LRP1B: variants seen among roughly 807,000 people sequenced by gnomAD.
The protein encoded by LRP1B is low-density lipoprotein receptor-related protein 1B.
A neutral mutation model predicts 556.6 loss-of-function variants in LRP1B; 217 were observed. The observed-to-expected ratio is 0.39, with a 90% CI of 0.35 to 0.44. The LOEUF (loss-of-function observed/expected upper bound fraction) is 0.44. Ranked by LOEUF, LRP1B falls within the 20% of genes least tolerant of loss-of-function variation. LRP1B has a pLI of 1.00. For missense variants in LRP1B, 5,053 were observed against 5,620.8 expected (o/e 0.90, Z 3.23); for synonymous variants, 2,047 against 1,865.8 (o/e 1.10, Z -2.50).
In LRP1B at chr2:140,328,459, G is replaced by T. The variant is rs138417582; in HGVS notation, c.12224-2581C>A. ...ACTAGTTCCCCAATTTCCATTGTAG[G>T]CTGGAAGAAAATGAAAGAAAAAAAA... On this transcript the variant is annotated intron_variant, in intron 79 of 90. Transcript: ENST00000389484. Among the ~76,000 whole-genome samples the T allele has an allele frequency of 3.3e-3, 481 of 146,450 alleles. 1 individual carries two copies. Among genetic ancestry groups the T allele is most frequent in the African/African-American group, 0.011 (458 of 40,404 alleles).
intron 4 of LRP1B, among the ~76,000 whole-genome samples, chr2:141,251,002 A>G (rs1429320864): frequency 6.6e-6 from 1 of 152,218 alleles, no homozygotes; most frequent in Non-Finnish European, 1.5e-5. Flanking sequence ...CTAAGTCTTC[A>G]GTAAAACTTA....
At chr2:141,907,427 C>T (rs1250455062) in intron 1 of LRP1B, among the ~76,000 whole-genome samples, 2 of 151,794 alleles carry the variant, frequency 1.3e-5, no homozygotes, top group Admixed American at 6.6e-5. Context: ...ATTTCTATAT[C>T]GCTTTCTAAA....
intron 2 of LRP1B, among the ~76,000 whole-genome samples, chr2:141,577,959 C>G (rs1686812415): frequency 6.6e-6 from 1 of 152,162 alleles, no homozygotes; most frequent in Non-Finnish European, 1.5e-5. Context: ...AAAGAATATT[C>G]CACAGAGCCC....
intron 2 of LRP1B, among the ~76,000 whole-genome samples, chr2:141,799,580 C>T (rs1372605746): frequency 1.3e-5 from 2 of 152,068 alleles, no homozygotes; most frequent in Non-Finnish European, 2.9e-5. Flanking sequence ...TTCCTCACAC[C>T]CTCTCGATAA....
chr2:141,819,360 G>T lies in LRP1B; in HGVS notation c.83-8959C>A, dbSNP rs79075324. Among the ~76,000 whole-genome samples, 3 of 152,168 alleles carry T rather than the reference G, an allele frequency of 2.0e-5. No homozygotes were observed. The South Asian group carries it at 6.2e-4, about 31-fold the overall frequency. On this transcript the variant is annotated intron_variant, in intron 1 of 90. Coordinates refer to ENST00000389484, the MANE Select transcript of LRP1B (RefSeq NM_018557.3). ...CGAAAAGCTTCTATTTTACTTTGCT[G>T]TATGAATTGTACCTACTGTGTGATG...
At chr2:140,949,463 C>T (rs1358141280) in intron 20 of LRP1B, among the ~76,000 whole-genome samples, 1 of 152,176 alleles carries the variant, frequency 6.6e-6, no homozygotes, top group Non-Finnish European at 1.5e-5. Context: ...AATCTCCTTC[C>T]TTTCTTAGCT....
chr2:142,022,962 A>T (rs1264978270), intron 1 of LRP1B, among the ~76,000 whole-genome samples: 5 of 152,214 alleles, frequency 3.3e-5, no homozygotes, highest in African/African-American at 1.2e-4. Flanking sequence ...GGCGTGAGCC[A>T]ACATGCCTGG....
chr2:141,946,865 C>A (rs922406625), intron 1 of LRP1B, among the ~76,000 whole-genome samples: 2 of 151,666 alleles, frequency 1.3e-5, no homozygotes, highest in African/African-American at 2.4e-5. Context: ...ACGATATTAG[C>A]GATATGGTAA....
intron 86 of LRP1B, among the ~76,000 whole-genome samples, chr2:140,254,846 C>T (rs1340741545): frequency 2.0e-5 from 3 of 152,108 alleles, no homozygotes; most frequent in Non-Finnish European, 2.9e-5. Context: ...GCCACCCCAC[C>T]GTGCCTGGCC....
chr2:140,650,435 G>C lies in LRP1B; in HGVS notation c.6800-48796C>G, dbSNP rs968016126. On this transcript the variant is annotated intron_variant, in intron 41 of 90. Transcript: ENST00000389484. ...ACAATCTCGGCTCACTGCAACCTCC[G>C]CTTTCTGGGTTCAAGCGATTCTCCT... 1.3e-4 allele frequency among the ~76,000 whole-genome samples: 20 copies of C among 151,664 alleles called. No homozygotes were observed. The South Asian group carries it at 4.2e-3, about 32-fold the overall frequency.
intron 2 of LRP1B, among the ~76,000 whole-genome samples, chr2:141,547,063 C>T (rs1685580949): frequency 6.6e-6 from 1 of 152,088 alleles, no homozygotes; most frequent in East Asian, 1.9e-4. Context: ...GCTGGAATTT[C>T]CAGTATTGTC....
At chr2:141,544,328 C>CTTA (rs1177606911) in intron 2 of LRP1B, among the ~76,000 whole-genome samples, 1 of 36,956 alleles carries the variant, frequency 2.7e-5, no homozygotes, top group African/African-American at 7.8e-5. Flanking sequence ...TCTTCTTCTT[C>CTTA]TTCTTCTTCT....
chr2:140,445,353 C>T (rs913407186), intron 63 of LRP1B, among the ~76,000 whole-genome samples: 3 of 151,976 alleles, frequency 2.0e-5, no homozygotes, highest in African/African-American at 7.2e-5. Context: ...CGGACCTCAG[C>T]TGATCTGCCC....
chr2:140,337,484 A>C (rs1251849964), intron 77 of LRP1B, among the ~76,000 whole-genome samples: 1 of 151,834 alleles, frequency 6.6e-6, no homozygotes, highest in Non-Finnish European at 1.5e-5. Context: ...CATTTAAGCT[A>C]ACCGTATTTT....
chr2:141,965,772 A>C (rs1312854543), intron 1 of LRP1B, among the ~76,000 whole-genome samples: 9 of 145,036 alleles, frequency 6.2e-5, no homozygotes, highest in Admixed American at 6.1e-4. Flanking sequence ...TAATAGTAAT[A>C]ATAAATAAAT....
At chr2:140,988,371 ATT>A (rs1696989554) in intron 17 of LRP1B, among the ~76,000 whole-genome samples, 1 of 152,112 alleles carries the variant, frequency 6.6e-6, no homozygotes, top group South Asian at 2.1e-4. Flanking sequence ...GTCAGATCAG[ATT>A]TTTAATCAGG....
intron 2 of LRP1B, among the ~76,000 whole-genome samples, chr2:141,719,197 T>G (rs1465057677): frequency 6.6e-6 from 1 of 152,138 alleles, no homozygotes; most frequent in Non-Finnish European, 1.5e-5. Flanking sequence ...AAGAGTTGTA[T>G]AGTTTTGAAG....
chr2:141,292,609 T>C (rs1686019172), intron 3 of LRP1B, among the ~76,000 whole-genome samples: 1 of 152,296 alleles, frequency 6.6e-6, no homozygotes, highest in East Asian at 1.9e-4. Flanking sequence ...GTACCTCTAA[T>C]ATGATATGGG....
intron 2 of LRP1B, among the ~76,000 whole-genome samples, chr2:141,694,229 A>G (rs1691649567): frequency 6.6e-6 from 1 of 151,998 alleles, no homozygotes; most frequent in African/African-American, 2.4e-5. Context: ...CAGCTTTACC[A>G]CTGCATCATG....
Sources: allele counts gnomAD v4.1 joint callset (sites outside exome capture counted in the v4.1 genomes callset), GRCh38; gene constraint gnomAD v4.1.1; transcripts MANE v1.5; gene names NCBI Gene and HGNC (gene_info 2026-07-23, HGNC 2026-07-21).